GALC: variants seen among roughly 807,000 people sequenced by gnomAD.
The protein encoded by GALC is galactosylceramidase.
GALC carries 77 observed loss-of-function variants against 91.8 expected under a neutral mutation model. The ratio of observed to expected loss-of-function variants is 0.84; its 90% CI spans 0.70 to 1.01. The LOEUF is 1.01. Among genes scored for constraint, GALC ranks in the 50% least tolerant of loss-of-function variants. The pLI, the probability that GALC is intolerant of heterozygous loss-of-function variation, is 0.00. For missense variants in GALC, 882 were observed against 855.9 expected (o/e 1.03, Z -0.38); for synonymous variants, 357 against 306.7 (o/e 1.16, Z -1.71).
chr14:87,976,283 A>G (rs1410314035), intron 7 of GALC, 75 bp downstream of exon 7: 3 of 1,516,724 alleles, frequency 2.0e-6, no homozygotes, highest in Non-Finnish European at 2.7e-6. Flanking sequence ...AATGGGGAGA[A>G]GGCAAGAAAA....
intron 8 of GALC, among the ~76,000 whole-genome samples, chr14:87,967,985 G>A (rs887694052): frequency 6.6e-6 from 1 of 152,098 alleles, no homozygotes; most frequent in African/African-American, 2.4e-5. Flanking sequence ...ATATCCTTAT[G>A]TTTTGGAGAC....
At position 87,976,464 on chromosome 14, in the gene GALC, G is replaced by T; in HGVS notation, c.646C>A (p.Gln216Lys). The change falls in exon 7 of 17, where the codon CAA becomes AAA. Residue 216 changes from glutamine to lysine, a missense_variant. Gln to Lys is a moderately conservative substitution (Grantham distance 53). Coordinates refer to ENST00000261304, the MANE Select transcript of GALC (RefSeq NM_000153.4). ...ATGATTTTCACTCGCTGGAGACCTT[G>T]ATAATTCAGCATTTTTCTTAATATC... ...IKILRKMLNY[Q>K]GLQRVKIIAS... is the part of the protein sequence containing the mutation. The T allele has an allele frequency of 6.2e-7, 1 of 1,612,716 alleles. No individual in the cohort carries two copies. The highest frequency in any genetic ancestry group is 8.5e-7 in the Non-Finnish European group (1 of 1,178,764).
At chr14:87,988,565 A>T (rs1208148652) in intron 1 of GALC, 42 bp from the exon 2 acceptor site, 1 of 1,382,682 alleles carries the variant, frequency 7.2e-7, no homozygotes, top group Non-Finnish European at 1.0e-6. Flanking sequence ...AAAGAAATCC[A>T]GTCATGAATA....
intron 10 of GALC, among the ~76,000 whole-genome samples, chr14:87,961,838 G>A (rs1398513708): frequency 6.6e-6 from 1 of 152,166 alleles, no homozygotes; most frequent in Non-Finnish European, 1.5e-5. Context: ...ATCTCTGCCT[G>A]AAGTACCCGA....
Position 87,934,687 on chromosome 14 carries a change from A to G in GALC, c.*45T>C. The G allele has an allele frequency of 1.2e-6, 2 of 1,612,136 alleles. No individual in the cohort carries two copies. Among genetic ancestry groups the G allele is most frequent in the Non-Finnish European group, 1.7e-6 (2 of 1,178,954 alleles). On this transcript the variant is annotated 3_prime_UTR_variant, in exon 17 of 17. Coordinates refer to ENST00000261304, the MANE Select transcript of GALC (RefSeq NM_000153.4). ...AATTGGCTCTGAACCAAAACCAAAA[A>G]GAAGGGAAGAAAATCCAGAGTATTC...
chr14:87,993,219 A>G, upstream of GALC: 1 of 1,549,358 alleles, frequency 6.5e-7, no homozygotes, highest in Non-Finnish European at 8.7e-7. Context: ...CGCCGCCACG[A>G]TAGATACGGG....
At chr14:87,988,297 C>CA in intron 2 of GALC, 90 bp from the exon 3 acceptor site, 1 of 1,359,164 alleles carries the variant, frequency 7.4e-7, no homozygotes, top group South Asian at 1.2e-5. Context: ...TTTACAGACG[C>CA]AAAAACAAAA....
chr14:87,970,656 T>G lies in GALC; in HGVS notation c.753-2166A>C, dbSNP rs985602392. Among the ~76,000 whole-genome samples the G allele has an allele frequency of 5.3e-5, 8 of 150,610 alleles. No individual in the cohort carries two copies. In the East Asian group the frequency reaches 5.9e-4, roughly 11 times the overall value. On this transcript the variant is annotated intron_variant, in intron 7 of 16. Coordinates refer to ENST00000261304, the MANE Select transcript of GALC (RefSeq NM_000153.4). ...CGGGCGGATCACGAGGTCAGGAGAT[T>G]GAGACCATCCTGGCTAACATGGTGA...
intron 14 of GALC, among the ~76,000 whole-genome samples, chr14:87,943,167 A>G (rs985036213): frequency 2.6e-5 from 4 of 152,082 alleles, no homozygotes; most frequent in African/African-American, 9.7e-5. Flanking sequence ...CACAGCCACA[A>G]TCTCTCAGTA....
At chr14:87,957,477 T>C (rs542976730) in intron 10 of GALC, among the ~76,000 whole-genome samples, 1 of 152,222 alleles carries the variant, frequency 6.6e-6, no homozygotes, top group East Asian at 1.9e-4. Flanking sequence ...TTCTATATGT[T>C]GCTATCCAAT....
In GALC at chr14:87,941,436, CA is replaced by C; in HGVS notation, c.1792del (p.Trp598GlyfsTer14). ...LIRSARGIFF[W>X]IFANGSYRVT... ...CCTGTAAGATCCATTTGCAAAAATC[CA>C]GAAGAAAATTCCTCTGGCACTTCTA... On this transcript the variant is annotated frameshift_variant, in exon 15 of 17. Transcript: ENST00000261304. LOFTEE classifies it high-confidence loss of function. 6.2e-7 allele frequency: 1 copy of C among 1,609,696 alleles called. No individual in the cohort carries two copies. The highest frequency in any genetic ancestry group is 8.5e-7 in the Non-Finnish European group (1 of 1,176,774).
chr14:87,967,765 T>C (rs1463693175), intron 8 of GALC, among the ~76,000 whole-genome samples: 1 of 152,084 alleles, frequency 6.6e-6, no homozygotes, highest in Non-Finnish European at 1.5e-5. Context: ...ATCACTGTCA[T>C]CAAAAATGAG....
At chr14:87,963,082 G>A (rs1885876861) in intron 10 of GALC, among the ~76,000 whole-genome samples, 1 of 152,076 alleles carries the variant, frequency 6.6e-6, no homozygotes, top group Non-Finnish European at 1.5e-5. Context: ...ATACATATCA[G>A]GGCAAGGGAA....
At chr14:87,966,165 T>C (rs987881180) in intron 8 of GALC, among the ~76,000 whole-genome samples, 1 of 152,190 alleles carries the variant, frequency 6.6e-6, no homozygotes, top group African/African-American at 2.4e-5. Context: ...TATATCTCTC[T>C]CACGTGAGTT....
At chr14:87,955,057 T>C (rs1358600380) in intron 10 of GALC, 2 of 1,342,704 alleles carry the variant, frequency 1.5e-6, no homozygotes, top group African/African-American at 1.4e-5. Context: ...GTTACACTCC[T>C]TGTCGGCAGT....
At chr14:87,984,340 C>G in intron 5 of GALC, 54 bp downstream of exon 5, 10 of 1,544,356 alleles carry the variant, frequency 6.5e-6, no homozygotes, top group Non-Finnish European at 8.9e-6. Flanking sequence ...AAATTATTTT[C>G]TAAATTACAA....
At chr14:87,949,953 G>T in intron 11 of GALC, 22 bp from the exon 12 acceptor site, 1 of 1,206,278 alleles carries the variant, frequency 8.3e-7, no homozygotes. Flanking sequence ...AGACAAAAAA[G>T]CATGGCTGAG....
chr14:87,987,267 C>T (rs540184006), intron 3 of GALC, among the ~76,000 whole-genome samples: 1 of 152,320 alleles, frequency 6.6e-6, no homozygotes, highest in South Asian at 2.1e-4. Context: ...GGCCCTTGCC[C>T]ATTTCTTCTT....
At chr14:87,951,535 C>T (rs1885308779) in intron 10 of GALC, among the ~76,000 whole-genome samples, 1 of 151,866 alleles carries the variant, frequency 6.6e-6, no homozygotes, top group Non-Finnish European at 1.5e-5. Flanking sequence ...CAGCAGGATG[C>T]ACATTCTTTT....
Sources: allele counts gnomAD v4.1 joint callset (sites outside exome capture counted in the v4.1 genomes callset), GRCh38; gene constraint gnomAD v4.1.1; transcripts MANE v1.5; gene names NCBI Gene and HGNC (gene_info 2026-07-23, HGNC 2026-07-21).